Variants in SHISA9 observed in about 807,000 individuals in gnomAD.
The protein encoded by SHISA9 is protein shisa-9.
A neutral mutation model predicts 38.0 loss-of-function variants in SHISA9; 13 were observed. The ratio of observed to expected loss-of-function variants is 0.34; its 90% CI spans 0.22 to 0.54. The LOEUF (loss-of-function observed/expected upper bound fraction) is 0.54, where lower values mean the gene tolerates loss of function less well. Ranked by LOEUF, SHISA9 falls within the 20% of genes least tolerant of loss-of-function variation. SHISA9 has a pLI of 0.91. For missense variants in SHISA9, 538 were observed against 575.8 expected, an observed-to-expected ratio of 0.93 and a Z score of 0.67; for synonymous variants, 275 against 242.0, an observed-to-expected ratio of 1.14 and a Z score of -1.27.
At chr16:13,407,070 C>CG in the SHISA9 span, among the ~76,000 whole-genome samples, 2 of 45,594 alleles carry the variant, frequency 4.4e-5, no homozygotes, top group African/African-American at 1.8e-4. Flanking sequence ...CTCTGTCTCA[C>CG]AAAAAAAAAA....
intron 2 of SHISA9, among the ~76,000 whole-genome samples, chr16:13,124,271 C>G (rs768100470): frequency 4.6e-5 from 7 of 152,162 alleles, no homozygotes; most frequent in Non-Finnish European, 7.4e-5. Context: ...TGAAAATTGT[C>G]TAAATGGGGG....
At chr16:13,063,385 A>C (rs918705241) in intron 2 of SHISA9, among the ~76,000 whole-genome samples, 8 of 152,232 alleles carry the variant, frequency 5.3e-5, no homozygotes, top group African/African-American at 1.2e-4. Context: ...GAAAAAAAAA[A>C]CAAAATCCAT....
chr16:13,032,730 G>C (rs550968617), intron 2 of SHISA9, among the ~76,000 whole-genome samples: 2 of 152,220 alleles, frequency 1.3e-5, no homozygotes, highest in African/African-American at 2.4e-5. Flanking sequence ...AAAGCAGAAA[G>C]GTCCTGAATT....
chr16:13,025,893 C>T (rs1006899615), intron 2 of SHISA9, among the ~76,000 whole-genome samples: 1 of 152,206 alleles, frequency 6.6e-6, no homozygotes, highest in Non-Finnish European at 1.5e-5. Flanking sequence ...GCAACCTCCA[C>T]CTCCCAGGTT....
chr16:13,291,522 C>T, the SHISA9 span, among the ~76,000 whole-genome samples: 1 of 152,130 alleles, frequency 6.6e-6, no homozygotes, highest in African/African-American at 2.4e-5. Flanking sequence ...TCATGTTTCC[C>T]ATGAAGTGCT....
intron 1 of SHISA9, among the ~76,000 whole-genome samples, chr16:12,904,617 C>A (rs1019549269): frequency 2.0e-5 from 3 of 152,090 alleles, no homozygotes; most frequent in Admixed American, 6.6e-5. Flanking sequence ...TCTAGGGGAC[C>A]CAGTCCTAGG....
chr16:13,464,894 T>C, the SHISA9 span, among the ~76,000 whole-genome samples: 1 of 151,314 alleles, frequency 6.6e-6, no homozygotes, highest in Non-Finnish European at 1.5e-5. Flanking sequence ...TACATCTAGA[T>C]AGACTTCCAT....
intron 2 of SHISA9, among the ~76,000 whole-genome samples, chr16:13,182,917 T>G (rs2050790337): frequency 6.6e-6 from 1 of 152,204 alleles, no homozygotes; most frequent in Non-Finnish European, 1.5e-5. Flanking sequence ...AGTCACACAG[T>G]GACTGGAGCA....
chr16:13,499,158 C>A, the SHISA9 span, among the ~76,000 whole-genome samples: 1 of 152,148 alleles, frequency 6.6e-6, no homozygotes, highest in Non-Finnish European at 1.5e-5. Context: ...AATCAGTAAC[C>A]AATCAGTAAC....
At chr16:13,139,534 A>G (rs2141994735) in intron 2 of SHISA9, among the ~76,000 whole-genome samples, 1 of 150,578 alleles carries the variant, frequency 6.6e-6, no homozygotes, top group East Asian at 2.0e-4. Context: ...GTAAAGTAGA[A>G]CCACTCCCTT....
At chr16:13,465,110 G>T in the SHISA9 span, among the ~76,000 whole-genome samples, 2 of 152,174 alleles carry the variant, frequency 1.3e-5, no homozygotes, top group African/African-American at 4.8e-5. Context: ...GATCTATTCT[G>T]GGGGTAGGGG....
intron 2 of SHISA9, among the ~76,000 whole-genome samples, chr16:13,117,556 T>G (rs74012271): frequency 0.03 from 4,639 of 152,156 alleles, 99 homozygotes; most frequent in East Asian, 0.11. Context: ...CTGCTAGCAA[T>G]TGTTCTAGAA....
At chr16:12,942,287 C>T (rs1381808952) in intron 2 of SHISA9, among the ~76,000 whole-genome samples, 2 of 152,176 alleles carry the variant, frequency 1.3e-5, no homozygotes, top group African/African-American at 4.8e-5. Context: ...AATGAGCTTG[C>T]ACTGAGAGGG....
chr16:13,556,776 A>G, the SHISA9 span, among the ~76,000 whole-genome samples: 2 of 152,226 alleles, frequency 1.3e-5, no homozygotes, highest in African/African-American at 4.8e-5. Context: ...GAAAAATAAA[A>G]AATAAAAACA....
chr16:13,541,677 C>T, the SHISA9 span, among the ~76,000 whole-genome samples: 21,052 of 152,094 alleles, frequency 0.14, 2,061 homozygotes, highest in African/African-American at 0.26. Flanking sequence ...GTGGGGTCTT[C>T]GGGGACAGAA....
At chr16:13,380,070 C>A in the SHISA9 span, among the ~76,000 whole-genome samples, 1 of 151,452 alleles carries the variant, frequency 6.6e-6, no homozygotes, top group Non-Finnish European at 1.5e-5. Flanking sequence ...GGAAGTAGAA[C>A]CGAAAGACGA....
At chr16:12,970,530 A>T (rs2072067286) in intron 2 of SHISA9, among the ~76,000 whole-genome samples, 2 of 37,628 alleles carry the variant, frequency 5.3e-5, no homozygotes, top group South Asian at 8.7e-4. Context: ...TTTTTTTTTG[A>T]GACCAAGTCT....
At chr16:13,199,817 G>T (rs978363726) in intron 2 of SHISA9, among the ~76,000 whole-genome samples, 1 of 152,092 alleles carries the variant, frequency 6.6e-6, no homozygotes, top group Non-Finnish European at 1.5e-5. Context: ...CTCCATGCTC[G>T]CTTCCATGGC....
chr16:12,954,293 C>T (rs4781357), intron 2 of SHISA9, among the ~76,000 whole-genome samples: 77,378 of 152,014 alleles, frequency 0.51, 20,021 homozygotes, highest in Middle Eastern at 0.59. Context: ...CAAATAACAA[C>T]TTATGAAACA....
Sources: gnomAD v4.1 joint callset for allele counts (sites outside exome capture counted in the v4.1 genomes callset) on GRCh38, gnomAD v4.1.1 for gene constraint, MANE v1.5 for transcripts, NCBI Gene and HGNC (gene_info 2026-07-23, HGNC 2026-07-21) for gene names.